The following SLC4A2 variants were observed in gnomAD, a reference collection of about 807,000 sequenced individuals.
SLC4A2 encodes anion exchange protein 2.
In SLC4A2, 36 loss-of-function variants were observed where a neutral mutation model predicts 115.0. The observed-to-expected ratio is 0.31, with a 90% CI of 0.24 to 0.41. The LOEUF (loss-of-function observed/expected upper bound fraction) is 0.41. SLC4A2 is among the 10% of genes least tolerant of loss of function. The pLI is 1.00. For missense variants in SLC4A2, 1,252 were observed against 1,705.6 expected, an observed-to-expected ratio of 0.73 and a Z score of 4.68; for synonymous variants, 708 against 708.3, an observed-to-expected ratio of 1.00 and a Z score of 0.01.
chr7:151,075,129 C>A, intron 19 of SLC4A2, 126 bp from the exon 20 acceptor site: 1 of 1,315,120 alleles, frequency 7.6e-7, no homozygotes, highest in Non-Finnish European at 1.1e-6. Flanking sequence ...TGAATCCTGA[C>A]GGAATGGACA....
At position 151,060,934 on chromosome 7, in the gene SLC4A2, C is replaced by G. The variant is rs771690338; in HGVS notation, c.-63-991C>G. Reference sequence around the variant, plus strand: ...ACTGGGAGCATGGGTTGTTGGGTACCGTCACTTTTTGCCAGTCTTGGGTGC... The same window carrying G: ...ACTGGGAGCATGGGTTGTTGGGTACGGTCACTTTTTGCCAGTCTTGGGTGC... On this transcript the variant is annotated intron_variant, in intron 1 of 22. Coordinates refer to ENST00000413384, the MANE Select transcript of SLC4A2 (RefSeq NM_003040.4). This position sits in a 1 kb window ranked among gnomAD's most constrained non-coding sequence, Gnocchi z 5.9. Among the ~76,000 whole-genome samples the G allele has an allele frequency of 6.6e-6, 1 of 152,110 alleles. No homozygotes were observed. Among genetic ancestry groups the G allele is most frequent in the Non-Finnish European group, 1.5e-5 (1 of 68,006 alleles).
rs1050702 is a variant in SLC4A2, at chr7:151,064,593, C to A, written c.285C>A (p.Arg95=). 0.21 allele frequency: 331,266 copies of A among 1,612,768 alleles called. 35,590 individuals are homozygous for A. The highest frequency in any genetic ancestry group is 0.27 in the South Asian group (24,789 of 91,026). The change falls in exon 4 of 23, where the codon CGC becomes CGA. Residue 95 remains arginine, a synonymous_variant. Coordinates refer to ENST00000413384, the MANE Select transcript of SLC4A2 (RefSeq NM_003040.4). ...LSTHLPPDAR[R]RKTPQGPGRK... ...CCCACCTGCCTCCGGATGCACGCCG[C>A]CGCAAGACACCCCAGGGCCCAGGAC...
In SLC4A2 at chr7:151,071,891, C is replaced by T; in HGVS notation, c.2341-51C>T. 6.2e-7 allele frequency: 1 copy of T among 1,607,786 alleles called. No individual in the cohort carries two copies. Among genetic ancestry groups the T allele is most frequent in the Non-Finnish European group, 8.5e-7 (1 of 1,175,424 alleles). On this transcript the variant is annotated intron_variant, in intron 15 of 22. Transcript: ENST00000413384. The surrounding 1 kb of genome is among the most constrained non-coding windows in gnomAD (Gnocchi z 5.5). ...CGCCCCTCCCGTGCCCTAGACACCT[C>T]CCCACAGCATCCCCACCCAGAGCTC...
Position 151,071,837 on chromosome 7 carries a change from G to C in SLC4A2, c.2340G>C (p.Ser780=). ...TGGTCTTTGAGGAGGCCTTCTTCTC[G>C]GTGAGGGCTCTTCTCGCCCATCTCC... ...PLLVFEEAFF[S]FCSSNHLEYL... is the part of the protein sequence containing the mutation. Residue 780 remains serine (S), a splice_region_variant and synonymous_variant, in exon 15 of 23, where the codon TCG becomes TCC. Transcript: ENST00000413384. This position sits in a 1 kb window ranked among gnomAD's most constrained non-coding sequence, Gnocchi z 5.5. 6.2e-7 allele frequency: 1 copy of C among 1,600,990 alleles called. No homozygotes were observed. The highest frequency in any genetic ancestry group is 8.5e-7 in the Non-Finnish European group (1 of 1,175,180).
Position 151,076,323 on chromosome 7 carries a change from C to T in SLC4A2, c.3682C>T (p.Arg1228Trp), listed in dbSNP as rs759531882. 3.2e-6 allele frequency: 5 copies of T among 1,543,938 alleles called. No individual in the cohort carries two copies. Among genetic ancestry groups the T allele is most frequent in the Non-Finnish European group, 3.5e-6 (4 of 1,143,100 alleles). Residue 1228 changes from arginine (R) to tryptophan (W), a missense_variant, in exon 23 of 23, where the codon CGG becomes TGG. Transcript: ENST00000413384. The part of the protein sequence containing the change: ...ANEAEPVFDE[R>W]EGVDEYNEMP... Reference sequence around the variant, plus strand: ...CGAGGCAGAGCCGGTGTTTGATGAGCGGGAGGGTGTGGACGAGTACAATGA... The same window carrying T: ...CGAGGCAGAGCCGGTGTTTGATGAGTGGGAGGGTGTGGACGAGTACAATGA...
rs1797616518 is a variant in SLC4A2 at position 151,075,942 on chromosome 7, CGAA to C, written c.3472-65_3472-63del. The stretch of plus-strand genomic sequence containing the variant: ...AGGAATGTTCTTCCATCCCCGCCTC[CGAA>C]GAAGAGAGAGGCTCTTCCCAGCAGC... On this transcript the variant is annotated intron_variant, in intron 21 of 22. Coordinates refer to ENST00000413384, the MANE Select transcript of SLC4A2 (RefSeq NM_003040.4). 22 of 1,503,246 alleles carry C rather than the reference CGAA, an allele frequency of 1.5e-5. 2 individuals carry two copies. The highest frequency in any genetic ancestry group is 1.8e-4 in the Middle Eastern group (1 of 5,548). 93.1% of individuals were successfully genotyped at this position (1,503,246 alleles called of 1,614,324 possible). A position where few individuals can be genotyped will look rare whatever the true frequency, so the allele number is the denominator to read the frequency against.
intron 2 of SLC4A2, chr7:151,062,617 TC>T (rs2056941430): frequency 1.3e-6 from 2 of 1,515,766 alleles, no homozygotes; most frequent in Admixed American, 2.1e-5. Context: ...TCCCCCTCCT[TC>T]TCAGGTTCAC....
intron 8 of SLC4A2, among the ~76,000 whole-genome samples, chr7:151,069,159 A>AAAAAAAAAAAAAAAG (rs1554451788): frequency 9.5e-5 from 14 of 148,042 alleles, no homozygotes; most frequent in African/African-American, 3.5e-4. Context: ...AAAAAAAAAA[A>AAAAAAAAAAAAAAAG]GCAGCTGAGG....
rs889147658 is a variant in SLC4A2, at chr7:151,060,960, C to A, written c.-63-965C>A. On this transcript the variant is annotated intron_variant, in intron 1 of 22. Coordinates refer to ENST00000413384, the MANE Select transcript of SLC4A2 (RefSeq NM_003040.4). This position sits in a 1 kb window ranked among gnomAD's most constrained non-coding sequence, Gnocchi z 5.9. ...GTCACTTTTTGCCAGTCTTGGGTGC[C>A]CCCTGTGCTGACCCGCTAGGAATGC... is the stretch of plus-strand genomic sequence containing the variant. Among the ~76,000 whole-genome samples, 1 of 152,066 alleles carries A rather than the reference C, an allele frequency of 6.6e-6. No individual in the cohort carries two copies. The highest frequency in any genetic ancestry group is 2.4e-5 in the African/African-American group (1 of 41,400).
In SLC4A2 at chr7:151,068,053, T is replaced by C. The variant is rs1034928667; in HGVS notation, c.1146T>C (p.His382=). Residue 382 remains histidine, a splice_region_variant and synonymous_variant, in exon 8 of 23, where the codon CAT becomes CAC. Coordinates refer to ENST00000413384, the MANE Select transcript of SLC4A2 (RefSeq NM_003040.4). The stretch of plus-strand genomic sequence containing the variant: ...TGGAGCTCCGCAGGACCCTGGCCCA[T>C]GGTAACCCCGCTCCCCTCCACCTCC... ...SLLELRRTLA[H]GAVLLDLDQQ... 1.3e-6 allele frequency: 2 copies of C among 1,490,362 alleles called. No homozygotes were observed. Among genetic ancestry groups the C allele is most frequent in the Non-Finnish European group, 1.8e-6 (2 of 1,124,264 alleles). 92.3% of individuals were successfully genotyped at this position (1,490,362 alleles called of 1,614,324 possible).
chr7:151,067,258 G>A (rs543704520), intron 7 of SLC4A2, among the ~76,000 whole-genome samples: 1 of 152,144 alleles, frequency 6.6e-6, no homozygotes, highest in African/African-American at 2.4e-5. Flanking sequence ...GCTAATTTTT[G>A]TATTTTTAGT....
At chr7:151,074,566 C>G (rs1344555040) in intron 18 of SLC4A2, 78 bp downstream of exon 18, 4 of 1,589,940 alleles carry the variant, frequency 2.5e-6, no homozygotes, top group Middle Eastern at 1.7e-4. Flanking sequence ...AGCCTCCAAA[C>G]CCAGCCTGTC....
Position 151,074,698 on chromosome 7 carries a change from C to G in SLC4A2, c.2904C>G (p.Phe968Leu). 1 of 1,603,358 alleles carries G rather than the reference C, an allele frequency of 6.2e-7. No individual in the cohort carries two copies. The highest frequency in any genetic ancestry group is 2.2e-5 in the East Asian group (1 of 44,792). Residue 968 changes from phenylalanine (F) to leucine (L), a missense_variant, in exon 19 of 23, where the codon TTC becomes TTG. Around this residue, in one of 14 missense-constraint regions of SLC4A2, gnomAD observed 253 missense variants for 407.4 expected, o/e 0.62. Coordinates refer to ENST00000413384, the MANE Select transcript of SLC4A2 (RefSeq NM_003040.4). ...YTQKLSVPSG[F>L]SVTAPEKRGW... ...AGAAGCTGAGCGTTCCCAGTGGATT[C>G]TCGGTGACTGCCCCAGAAAAGAGGG...
Position 151,070,123 on chromosome 7 carries a change from A to G in SLC4A2, c.1283+41A>G, listed in dbSNP as rs538210790. 3.7e-6 allele frequency: 6 copies of G among 1,613,922 alleles called. No homozygotes were observed. In the South Asian group the frequency reaches 5.5e-5, roughly 15 times the overall value. On this transcript the variant is annotated intron_variant, in intron 9 of 22. Coordinates refer to ENST00000413384, the MANE Select transcript of SLC4A2 (RefSeq NM_003040.4). Reference sequence around the variant, plus strand: ...CCAGTTGGGGATGACACTTCAGCCCACCTGCCCTGGCCCTTGTCATTGACC... The same window carrying G: ...CCAGTTGGGGATGACACTTCAGCCCGCCTGCCCTGGCCCTTGTCATTGACC...
chr7:151,066,418 G>A, intron 5 of SLC4A2, 99 bp from the exon 6 acceptor site: 1 of 1,373,842 alleles, frequency 7.3e-7, no homozygotes, highest in Admixed American at 2.9e-5. Flanking sequence ...AGGGCCTGGA[G>A]TCCGATGTGG....
chr7:151,070,722 C>T lies in SLC4A2; in HGVS notation c.1565-5C>T. 1 of 1,612,846 alleles carries T rather than the reference C, an allele frequency of 6.2e-7. No individual in the cohort carries two copies. The highest frequency in any genetic ancestry group is 8.5e-7 in the Non-Finnish European group (1 of 1,179,888). ...CTCTTGCCCACGATGGTCCCACGCC[C>T]CTAGGCTGCGTGGAGTTCCTCTCCC... On this transcript the variant is annotated splice_polypyrimidine_tract_variant and splice_region_variant and intron_variant, in intron 11 of 22. Transcript: ENST00000413384.
At chr7:151,064,497 C>T in intron 3 of SLC4A2, 29 bp from the exon 4 acceptor site, 1 of 1,595,958 alleles carries the variant, frequency 6.3e-7, no homozygotes, top group Non-Finnish European at 8.5e-7. Context: ...ACTGTGCCTG[C>T]CACAGCCAAG....
rs552763461 is a variant in SLC4A2 at position 151,072,197 on chromosome 7, T to C, written c.2535+61T>C. 1,803 of 1,470,456 alleles carry C rather than the reference T, an allele frequency of 1.2e-3. 29 individuals are homozygous for C. In the South Asian group the frequency reaches 0.02, roughly 16 times the overall value. The allele number at this position is 1,470,456 out of a possible 1,614,324, so 91.1% of individuals were successfully genotyped here. On this transcript the variant is annotated intron_variant, in intron 16 of 22. Transcript: ENST00000413384. The stretch of plus-strand genomic sequence containing the variant: ...GCCGAGGTCTCAGGGCTGGAGGGAG[T>C]CTCTTGGTCCCATCCTCTGGATTTG...
rs762356954 is a variant in SLC4A2 at position 151,064,209 on chromosome 7, C to T, written c.59C>T (p.Pro20Leu). ...KGADSFCTPE[P>L]ESLGPGTPGF... ...CTGCCTTCTTCCTCACAGCCAGAGC[C>T]AGAGAGCTTGGGCCCTGGGACGCCT... The change falls in exon 3 of 23, where the codon CCA becomes CTA. Residue 20 changes from proline (P) to leucine (L), a missense_variant. Coordinates refer to ENST00000413384, the MANE Select transcript of SLC4A2 (RefSeq NM_003040.4). 1 of 1,612,234 alleles carries T rather than the reference C, an allele frequency of 6.2e-7. No homozygotes were observed. Among genetic ancestry groups the T allele is most frequent in the Non-Finnish European group, 8.5e-7 (1 of 1,179,890 alleles).
Sources: allele counts gnomAD v4.1 joint callset (sites outside exome capture counted in the v4.1 genomes callset), GRCh38; gene constraint gnomAD v4.1.1; regional missense constraint gnomAD v4.1.1; non-coding constraint Gnocchi (gnomAD v3.1); transcripts MANE v1.5; gene names NCBI Gene and HGNC (gene_info 2026-07-23, HGNC 2026-07-21).